The following STX8 variants were observed in gnomAD, a reference collection of about 807,000 sequenced individuals.
The protein encoded by STX8 is syntaxin 8.
STX8 carries 23 observed loss-of-function variants against 37.5 expected under a neutral mutation model. The observed-to-expected ratio is 0.61, with a 90% CI of 0.44 to 0.87. The LOEUF (loss-of-function observed/expected upper bound fraction) is 0.87. Ranked by LOEUF, STX8 falls within the 40% of genes least tolerant of loss-of-function variation. STX8 has a pLI of 0.00. For missense variants in STX8, 313 were observed against 284.7 expected (o/e 1.10, Z -0.71); for synonymous variants, 115 against 99.1 (o/e 1.16, Z -0.95).
chr17:9,418,922 CTTT>C (rs1199002351), intron 6 of STX8, among the ~76,000 whole-genome samples: 1 of 110,672 alleles, frequency 9.0e-6, no homozygotes, highest in Admixed American at 9.8e-5. Context: ...CTTTTTTTTT[CTTT>C]TTTTTTTTTT....
intron 6 of STX8, among the ~76,000 whole-genome samples, chr17:9,464,255 A>G (rs1484861436): frequency 2.0e-5 from 3 of 151,724 alleles, no homozygotes; most frequent in African/African-American, 4.8e-5. Context: ...AGGCACTTCT[A>G]TAAATAGAAA....
chr17:9,515,664 A>G (rs1905139611), intron 4 of STX8, among the ~76,000 whole-genome samples: 1 of 152,172 alleles, frequency 6.6e-6, no homozygotes, highest in Non-Finnish European at 1.5e-5. Context: ...CTGGGACTAC[A>G]GGTGCGTGCC....
At chr17:9,515,097 T>C (rs1194808137) in intron 4 of STX8, among the ~76,000 whole-genome samples, 2 of 152,204 alleles carry the variant, frequency 1.3e-5, no homozygotes, top group Non-Finnish European at 2.9e-5. Context: ...ATACAAAGCA[T>C]AGATTCTTGT....
intron 6 of STX8, among the ~76,000 whole-genome samples, chr17:9,450,901 C>A (rs1179192432): frequency 6.6e-6 from 1 of 152,012 alleles, no homozygotes; most frequent in Non-Finnish European, 1.5e-5. Flanking sequence ...CTTTTGCAGC[C>A]TTCCTCCATA....
intron 7 of STX8, among the ~76,000 whole-genome samples, chr17:9,267,384 C>T (rs369027847): frequency 5.9e-5 from 9 of 152,212 alleles, no homozygotes; most frequent in Admixed American, 1.3e-4. Flanking sequence ...TTGCTACCAA[C>T]GTGGCATTCC....
At chr17:9,349,084 C>T (rs768219417) in intron 7 of STX8, among the ~76,000 whole-genome samples, 5 of 152,014 alleles carry the variant, frequency 3.3e-5, no homozygotes, top group South Asian at 2.1e-4. Context: ...CTCTGCCTTC[C>T]GGGTTCAAGT....
At chr17:9,255,535 T>G (rs1906759074) in intron 7 of STX8, among the ~76,000 whole-genome samples, 1 of 69,040 alleles carries the variant, frequency 1.4e-5, no homozygotes, top group South Asian at 5.2e-4. Context: ...TCAAAATAAA[T>G]AAATAAATAA....
intron 4 of STX8, among the ~76,000 whole-genome samples, chr17:9,539,394 G>T (rs537969837): frequency 6.6e-6 from 1 of 152,324 alleles, no homozygotes; most frequent in South Asian, 2.1e-4. Context: ...GGCTCACCAG[G>T]TTCCAAGCGA....
At chr17:9,332,863 C>T (rs1910008197) in intron 7 of STX8, among the ~76,000 whole-genome samples, 1 of 152,222 alleles carries the variant, frequency 6.6e-6, no homozygotes, top group African/African-American at 2.4e-5. Flanking sequence ...CAGTGCCTAG[C>T]ACCCAAGACG....
chr17:9,546,512 G>C (rs1429338748), intron 3 of STX8, among the ~76,000 whole-genome samples: 1 of 147,184 alleles, frequency 6.8e-6, no homozygotes, highest in African/African-American at 2.5e-5. Context: ...AGTGGCGTCT[G>C]TCAACAACCG....
chr17:9,556,766 T>TATATATATATATATACATAC (rs1567608984), intron 3 of STX8: 3 of 32,302 alleles, frequency 9.3e-5, no homozygotes, highest in African/African-American at 3.0e-4. Context: ...TATATATATA[T>TATATATATATATATACATAC]ATATATATAT....
chr17:9,332,753 T>C (rs1026426383), intron 7 of STX8, among the ~76,000 whole-genome samples: 1 of 152,258 alleles, frequency 6.6e-6, no homozygotes, highest in Admixed American at 6.5e-5. Flanking sequence ...ATTACATTTA[T>C]GTGTGCCTGC....
At chr17:9,573,356 C>T (rs575513883) in intron 1 of STX8, among the ~76,000 whole-genome samples, 82 of 152,274 alleles carry the variant, frequency 5.4e-4, no homozygotes, top group African/African-American at 1.7e-3. Flanking sequence ...GTCTCCACTA[C>T]CCCTTATCAT....
Position 9,271,368 on chromosome 17 carries a change from C to T in STX8, c.644-20723G>A, listed in dbSNP as rs529253532. On this transcript the variant is annotated intron_variant, in intron 7 of 7. Coordinates refer to ENST00000306357, the MANE Select transcript of STX8 (RefSeq NM_004853.3). ...ACTCAGGTGGCTGAAGGATGAGAAT[C>T]GCTTGAACCCAGGAAGCGGACGTTG... is the stretch of plus-strand genomic sequence containing the variant. 7.2e-5 allele frequency among the ~76,000 whole-genome samples: 11 copies of T among 152,294 alleles called. No homozygotes were observed. The South Asian group carries it at 1.9e-3, about 26-fold the overall frequency.
At chr17:9,319,417 TCAAAAA>T (rs924635926) in intron 7 of STX8, among the ~76,000 whole-genome samples, 15 of 151,942 alleles carry the variant, frequency 9.9e-5, no homozygotes, top group African/African-American at 3.1e-4. Flanking sequence ...AGACTCTGTC[TCAAAAA>T]CAAAAACAAA....
intron 3 of STX8, 107 bp downstream of exon 3, chr17:9,557,327 T>C: frequency 1.2e-6 from 1 of 850,534 alleles, no homozygotes; most frequent in Non-Finnish European, 1.9e-6. Context: ...AACCAGGTCT[T>C]CCTCAAGCTG....
chr17:9,574,542 A>AT (rs35021245), intron 1 of STX8, among the ~76,000 whole-genome samples: 110,667 of 149,866 alleles, frequency 0.74, 41,862 homozygotes, highest in East Asian at 0.98. Context: ...GGGGTTTTTT[A>AT]TTTTTTTTTG....
Position 9,544,243 on chromosome 17 carries a change from T to C in STX8, c.323+929A>G, listed in dbSNP as rs76130349. ...CCAAGCTCATTGCCTTCTGTGATGG[T>C]TCCCACGATGAAGCTAAGGAAGTTC... On this transcript the variant is annotated intron_variant, in intron 4 of 7. Coordinates refer to ENST00000306357, the MANE Select transcript of STX8 (RefSeq NM_004853.3). 8.2e-3 allele frequency among the ~76,000 whole-genome samples: 1,252 copies of C among 152,178 alleles called. 23 individuals carry two copies. Among genetic ancestry groups the C allele is most frequent in the African/African-American group, 0.028 (1,163 of 41,540 alleles).
rs553103074 is a variant in STX8 at position 9,339,515 on chromosome 17, G to T, written c.643+39037C>A. ...TAAAAATACAAAAAATTAGCCAGGCGTCATGGCAGGTGCCTGTAATCCCAG... is the reference window on the plus strand; with the variant it reads ...TAAAAATACAAAAAATTAGCCAGGCTTCATGGCAGGTGCCTGTAATCCCAG... On this transcript the variant is annotated intron_variant, in intron 7 of 7. Transcript: ENST00000306357. Among the ~76,000 whole-genome samples the T allele has an allele frequency of 1.2e-4, 18 of 152,244 alleles. No homozygotes were observed. The South Asian group carries it at 3.7e-3, about 32-fold the overall frequency.
Sources: allele counts gnomAD v4.1 joint callset (sites outside exome capture counted in the v4.1 genomes callset), GRCh38; gene constraint gnomAD v4.1.1; transcripts MANE v1.5; gene names NCBI Gene and HGNC (gene_info 2026-07-23, HGNC 2026-07-21).